Variants in GASK1A observed in about 807,000 individuals in gnomAD.
The protein encoded by GASK1A is golgi associated kinase 1A.
GASK1A carries 40 observed loss-of-function variants against 41.2 expected under a neutral mutation model. The observed-to-expected ratio is 0.97, with a 90% confidence interval of 0.75 to 1.27. The LOEUF is 1.27. Among genes scored for constraint, GASK1A ranks in the 50% most tolerant of loss-of-function variants. The probability of loss-of-function intolerance (pLI) is 0.00; values close to 1 mark genes in which losing one functional copy is unlikely to be tolerated. For synonymous variants in GASK1A, 316 were observed against 307.1 expected (o/e 1.03, Z -0.30); for missense variants, 678 against 745.1 (o/e 0.91, Z 1.05).
intron 1 of GASK1A, among the ~76,000 whole-genome samples, chr3:43,010,724 C>T (rs1575440308): frequency 6.6e-6 from 1 of 152,224 alleles, no homozygotes; most frequent in Admixed American, 6.5e-5. Flanking sequence ...TCTAAGGCTT[C>T]TTTTGGTTTT....
intron 2 of GASK1A, chr3:43,037,109 AG>A: frequency 1.2e-5 from 9 of 749,356 alleles, no homozygotes; most frequent in Non-Finnish European, 1.6e-5. Flanking sequence ...CAACACTAAA[AG>A]TCAGTACCTC....
intron 1 of GASK1A, among the ~76,000 whole-genome samples, chr3:43,011,944 GGCAGTGTGAAGCCAAAGGAAGGA>G (rs2089465662): frequency 6.6e-6 from 1 of 151,698 alleles, no homozygotes; most frequent in Admixed American, 6.6e-5. Flanking sequence ...CACAGGAAGC[GGCAGTGTGAAGCCAAAGGAAGGA>G]GCAGTGTGAA....
intron 2 of GASK1A, among the ~76,000 whole-genome samples, chr3:43,039,500 G>A (rs768775702): frequency 2.0e-5 from 3 of 152,182 alleles, no homozygotes; most frequent in Non-Finnish European, 4.4e-5. Flanking sequence ...ACTGTGCCTA[G>A]CCTAGGTAGG....
At chr3:42,990,952 C>A (rs986279432) in intron 1 of GASK1A, among the ~76,000 whole-genome samples, 6 of 152,002 alleles carry the variant, frequency 3.9e-5, no homozygotes, top group African/African-American at 1.5e-4. Context: ...GGCATGTATG[C>A]AAATGATGGG....
intron 1 of GASK1A, among the ~76,000 whole-genome samples, chr3:43,030,967 G>A (rs527855400): frequency 2.1e-4 from 32 of 152,228 alleles, no homozygotes; most frequent in African/African-American, 6.5e-4. Flanking sequence ...AGCACATGCG[G>A]GGAAAAAAGT....
rs573892128 is a variant in GASK1A at position 42,984,288 on chromosome 3, C to T, written c.3+4643C>T. ...AGGCCGCCCTTCTTTATGTGGATTT[C>T]ACTTCCTATCTCTCTCTCTCTCTCT... On this transcript the variant is annotated intron_variant, in intron 1 of 4. Coordinates refer to ENST00000430121, the MANE Select transcript of GASK1A (RefSeq NM_001129908.3). This position sits in a 1 kb window ranked among gnomAD's most constrained non-coding sequence, Gnocchi z 4.2. 3.4e-4 allele frequency among the ~76,000 whole-genome samples: 46 copies of T among 133,412 alleles called. No homozygotes were observed. Among genetic ancestry groups the T allele is most frequent in the African/African-American group, 1.2e-3 (44 of 37,750 alleles). The allele number at this position is 133,412 out of a possible 152,430, so 87.5% of individuals were successfully genotyped here.
At chr3:42,981,070 G>A (rs2089280621) in intron 1 of GASK1A, among the ~76,000 whole-genome samples, 1 of 152,272 alleles carries the variant, frequency 6.6e-6, no homozygotes, top group Admixed American at 6.5e-5. Context: ...CTGCCTAGGG[G>A]AACATTGGTG....
intron 1 of GASK1A, among the ~76,000 whole-genome samples, chr3:43,019,760 ACACAC>A (rs916423955): frequency 1.1e-5 from 1 of 90,192 alleles, no homozygotes; most frequent in African/African-American, 4.4e-5. Flanking sequence ...CGTTTTTAAC[ACACAC>A]ACACACACAC....
chr3:43,014,994 G>A (rs1025103564), intron 1 of GASK1A, among the ~76,000 whole-genome samples: 1 of 152,066 alleles, frequency 6.6e-6, no homozygotes, highest in African/African-American at 2.4e-5. Flanking sequence ...AAGGGACTGT[G>A]TGAAGCCACA....
intron 1 of GASK1A, among the ~76,000 whole-genome samples, chr3:42,995,100 T>C (rs1441514513): frequency 4.6e-5 from 7 of 152,162 alleles, no homozygotes; most frequent in African/African-American, 1.7e-4. Context: ...GAGATATAAA[T>C]TGAAGTGCAG....
chr3:43,044,821 G>A (rs1304551709), intron 2 of GASK1A, among the ~76,000 whole-genome samples: 1 of 152,068 alleles, frequency 6.6e-6, no homozygotes, highest in African/African-American at 2.4e-5. Flanking sequence ...AGGTTTTATT[G>A]GTGTTGGGAT....
chr3:43,057,124 G>A lies in GASK1A; in HGVS notation c.*738G>A, dbSNP rs527788601. ...ATTTTTACTTTATTAACTATATTCT[G>A]TATCAGCCATCTGAATTGACCCAAT... On this transcript the variant is annotated 3_prime_UTR_variant, in exon 5 of 5. Coordinates refer to ENST00000430121, the MANE Select transcript of GASK1A (RefSeq NM_001129908.3). 4.6e-5 allele frequency: 7 copies of A among 152,286 alleles called. No individual in the cohort carries two copies. The highest frequency in any genetic ancestry group is 2.6e-4 in the Admixed American group (4 of 15,304). 9.4% of individuals were successfully genotyped at this position (152,286 alleles called of 1,614,324 possible).
In GASK1A at chr3:43,056,726, A is replaced by G. The variant is rs6769625; in HGVS notation, c.*340A>G. 8.5e-3 allele frequency: 1,742 copies of G among 205,124 alleles called. 28 individuals are homozygous for G. Among genetic ancestry groups the G allele is most frequent in the African/African-American group, 0.038 (1,656 of 43,978 alleles). 12.7% of individuals were successfully genotyped at this position (205,124 alleles called of 1,614,324 possible). Reference sequence around the variant, plus strand: ...GTAGAGGTGTGTAGGTGTGGGTGGCATGTGTGCCCGCCTGCATGCAATACC... The same window carrying G: ...GTAGAGGTGTGTAGGTGTGGGTGGCGTGTGTGCCCGCCTGCATGCAATACC... On this transcript the variant is annotated 3_prime_UTR_variant, in exon 5 of 5. Coordinates refer to ENST00000430121, the MANE Select transcript of GASK1A (RefSeq NM_001129908.3).
chr3:42,998,446 A>G (rs2089388553), intron 1 of GASK1A, among the ~76,000 whole-genome samples: 2 of 152,154 alleles, frequency 1.3e-5, no homozygotes, highest in Non-Finnish European at 2.9e-5. Context: ...TTAGCGGGGT[A>G]ATGCTAATAA....
At chr3:43,020,677 G>A (rs1327050019) in intron 1 of GASK1A, among the ~76,000 whole-genome samples, 1 of 152,222 alleles carries the variant, frequency 6.6e-6, no homozygotes, top group African/African-American at 2.4e-5. Flanking sequence ...TTTGGTAATA[G>A]GAGTTGGGTA....
chr3:43,027,311 G>A (rs568836004), intron 1 of GASK1A, among the ~76,000 whole-genome samples: 7 of 152,350 alleles, frequency 4.6e-5, no homozygotes, highest in Non-Finnish European at 8.8e-5. Flanking sequence ...GTGGGTATTA[G>A]AGAGATGGAA....
At chr3:43,051,239 TC>T (rs2089686869) in intron 2 of GASK1A, among the ~76,000 whole-genome samples, 1 of 152,216 alleles carries the variant, frequency 6.6e-6, no homozygotes, top group South Asian at 2.1e-4. Flanking sequence ...ATGAACAAAT[TC>T]TATAGTCATC....
At chr3:42,985,687 T>C (rs183539919) in intron 1 of GASK1A, among the ~76,000 whole-genome samples, 8 of 151,482 alleles carry the variant, frequency 5.3e-5, no homozygotes, top group Non-Finnish European at 1.0e-4. Flanking sequence ...GCTGAAGATA[T>C]AGAGAAAGGA....
chr3:43,021,404 C>G lies in GASK1A; in HGVS notation c.4-10863C>G, dbSNP rs369969606. On this transcript the variant is annotated intron_variant, in intron 1 of 4. Transcript: ENST00000430121. Reference sequence around the variant, plus strand: ...GCCCAGGTGGCTTCCTCCTGGCTGACGCTTGTGGTTTTACAATGAAAGAGC... The same window carrying G: ...GCCCAGGTGGCTTCCTCCTGGCTGAGGCTTGTGGTTTTACAATGAAAGAGC... Among the ~76,000 whole-genome samples the G allele has an allele frequency of 3.3e-5, 5 of 152,240 alleles. 1 individual carries two copies. Among genetic ancestry groups the G allele is most frequent in the African/African-American group, 9.6e-5 (4 of 41,522 alleles).
Sources: gnomAD v4.1 joint callset for allele counts (sites outside exome capture counted in the v4.1 genomes callset) on GRCh38, gnomAD v4.1.1 for gene constraint, Gnocchi (gnomAD v3.1) non-coding constraint, MANE v1.5 for transcripts, NCBI Gene and HGNC (gene_info 2026-07-23, HGNC 2026-07-21) for gene names.